CGREF1: variants seen among roughly 807,000 people sequenced by gnomAD.
CGREF1 encodes the protein cell growth regulator with EF hand domain protein 1.
A neutral mutation model predicts 17.4 loss-of-function variants in CGREF1; 16 were observed. That is an observed-to-expected ratio of 0.92 (90% CI 0.62 to 1.40). The LOEUF is 1.40. Among genes scored for constraint, CGREF1 ranks in the 40% most tolerant of loss-of-function variants. The probability of loss-of-function intolerance (pLI) is 0.00; values close to 1 mark genes in which losing one functional copy is unlikely to be tolerated. For synonymous variants in CGREF1, 142 were observed against 154.6 expected (o/e 0.92, Z 0.61); for missense variants, 296 against 376.4 (o/e 0.79, Z 1.77).
intron 1 of CGREF1, among the ~76,000 whole-genome samples, chr2:27,113,250 A>T (rs1325810572): frequency 1.3e-5 from 2 of 152,152 alleles, no homozygotes; most frequent in African/African-American, 4.8e-5. Context: ...TGACCAGGAG[A>T]ATGCCAGAAG....
rs530720672 is a variant in CGREF1, at chr2:27,106,907, T to C, written c.-11-2530A>G. On this transcript the variant is annotated intron_variant, in intron 1 of 5. Coordinates refer to ENST00000402394, the MANE Select transcript of CGREF1 (RefSeq NM_006569.6). Reference sequence around the variant, plus strand: ...TGCTGGGATTACAGGCATGAACCACTGCGCCTGCCCTCTAATGTGGGTTTG... The same window carrying C: ...TGCTGGGATTACAGGCATGAACCACCGCGCCTGCCCTCTAATGTGGGTTTG... Among the ~76,000 whole-genome samples, 11 of 152,098 alleles carry C rather than the reference T, an allele frequency of 7.2e-5. No individual in the cohort carries two copies. In the East Asian group the frequency reaches 2.1e-3, roughly 29 times the overall value.
chr2:27,104,647 C>A, intron 1 of CGREF1: 1 of 1,550,584 alleles, frequency 6.4e-7, no homozygotes, highest in East Asian at 2.4e-5. Context: ...CCCCACCCCA[C>A]GCCCCATTCC....
chr2:27,102,048 A>G (rs545795860), intron 5 of CGREF1, 49 bp downstream of exon 5: 110 of 1,570,912 alleles, frequency 7.0e-5, no homozygotes, highest in South Asian at 4.6e-5. Context: ...CCAAAGCCCC[A>G]AAGTGCTGGG....
Position 27,102,569 on chromosome 2 carries a change from G to A in CGREF1, c.103C>T (p.Gln35Ter), listed in dbSNP as rs542196505. The A allele has an allele frequency of 1.9e-5, 30 of 1,613,192 alleles. No homozygotes were observed. In the South Asian group the frequency reaches 2.7e-4, roughly 15 times the overall value. Residue 35 changes from glutamine (Q) to a stop codon, truncating the protein, a stop_gained, in exon 3 of 6, where the codon CAG becomes TAG. Coordinates refer to ENST00000402394, the MANE Select transcript of CGREF1 (RefSeq NM_006569.6). LOFTEE classifies it high-confidence loss of function. ...VTRPDSEVQH[Q>*]LLPNPFQPGQ... is the part of the protein sequence containing the mutation. ...GGCTGGAAGGGGTTGGGCAGGAGCT[G>A]ATGCTGCACTTCAGAGTCTGGCCTG...
intron 1 of CGREF1, among the ~76,000 whole-genome samples, chr2:27,113,346 C>T (rs1671459732): frequency 6.6e-6 from 1 of 152,044 alleles, no homozygotes; most frequent in South Asian, 2.1e-4. Context: ...GGGCAAGCAT[C>T]CGTAGGGAAG....
chr2:27,105,837 G>A (rs1671100888), intron 1 of CGREF1, among the ~76,000 whole-genome samples: 1 of 152,224 alleles, frequency 6.6e-6, no homozygotes, highest in Non-Finnish European at 1.5e-5. Flanking sequence ...GTGAGGCACT[G>A]CACTTGGCCC....
At chr2:27,099,658 C>T (rs1352970798), downstream of CGREF1, 4 of 1,614,052 alleles carry the variant, frequency 2.5e-6, no homozygotes, top group African/African-American at 5.3e-5. Flanking sequence ...ACTTGCCCCT[C>T]CTCCAGGGAG....
intron 1 of CGREF1, among the ~76,000 whole-genome samples, chr2:27,114,499 A>C (rs969166282): frequency 1.3e-5 from 2 of 152,164 alleles, no homozygotes; most frequent in African/African-American, 4.8e-5. Context: ...CTTGTATATG[A>C]TCTGGACTTA....
chr2:27,102,632 C>T (rs760242726), intron 2 of CGREF1, 41 bp from the exon 3 acceptor site: 2 of 1,575,308 alleles, frequency 1.3e-6, no homozygotes, highest in South Asian at 2.2e-5. Flanking sequence ...AGAGAGCCTC[C>T]CTCAGGGCCC....
In CGREF1 at chr2:27,102,363, G is replaced by A. The variant is rs1260358500; in HGVS notation, c.214C>T (p.Gln72Ter). The part of the protein sequence containing the change: ...EVQLEHLSRE[Q>*]VLLYLFALHD... ...CCCCATCAGCCCAGCCCCTCACCCT[G>A]CTCCCGGCTCAGATGCTCCAGTTGC... The change falls in exon 4 of 6, where the codon CAG becomes TAG. Residue 72 changes from glutamine (Q) to a stop codon, truncating the protein, a stop_gained. Coordinates refer to ENST00000402394, the MANE Select transcript of CGREF1 (RefSeq NM_006569.6). LOFTEE classifies it high-confidence loss of function. The A allele has an allele frequency of 6.2e-7, 1 of 1,614,074 alleles. No individual in the cohort carries two copies. The highest frequency in any genetic ancestry group is 8.5e-7 in the Non-Finnish European group (1 of 1,179,938).
At position 27,102,145 on chromosome 2, in the gene CGREF1, C is replaced by T. The variant is rs897355564; in HGVS notation, c.294G>A (p.Leu98=). ...CAGCTCCAGGGGCCAGAGCAGCTGTCAACATGGACAGCAGCTCCAGGCCAT... is the reference window on the plus strand; with the variant it reads ...CAGCTCCAGGGGCCAGAGCAGCTGTTAACATGGACAGCAGCTCCAGGCCAT... ...QLDGLELLSM[L]TAALAPGAAN... Residue 98 remains leucine, a synonymous_variant, in exon 5 of 6, where the codon TTG becomes TTA. Coordinates refer to ENST00000402394, the MANE Select transcript of CGREF1 (RefSeq NM_006569.6). 2 of 1,612,116 alleles carry T rather than the reference C, an allele frequency of 1.2e-6. No individual in the cohort carries two copies. Among genetic ancestry groups the T allele is most frequent in the Non-Finnish European group, 1.7e-6 (2 of 1,178,498 alleles).
In CGREF1 at chr2:27,100,946, T is replaced by G. The variant is rs995206140; in HGVS notation, c.*328A>C. The G allele has an allele frequency of 8.8e-7, 1 of 1,134,564 alleles. No individual in the cohort carries two copies. Among genetic ancestry groups the G allele is most frequent in the African/African-American group, 1.6e-5 (1 of 61,730 alleles). The allele number at this position is 1,134,564 out of a possible 1,614,324, so 70.3% of individuals were successfully genotyped here. ...CTGCAGCCGGCCATGGCTAGCACCA[T>G]GCGCTCTGCTGCCGGAGCACCGTGA... is the stretch of plus-strand genomic sequence containing the variant. On this transcript the variant is annotated 3_prime_UTR_variant, in exon 6 of 6. Coordinates refer to ENST00000402394, the MANE Select transcript of CGREF1 (RefSeq NM_006569.6).
At chr2:27,116,871 T>TTCCCTCTCTCTCTC (rs1416671829) in intron 1 of CGREF1, among the ~76,000 whole-genome samples, 1 of 33,680 alleles carries the variant, frequency 3.0e-5, no homozygotes, top group Non-Finnish European at 5.9e-5. Flanking sequence ...GCCAGGCCTA[T>TTCCCTCTCTCTCTC]TCTCTCTCTC....
Position 27,118,986 on chromosome 2 carries a change from C to T in CGREF1, c.-152G>A, listed in dbSNP as rs1572909060. 3 of 151,912 alleles carry T rather than the reference C, an allele frequency of 2.0e-5. No individual in the cohort carries two copies. The South Asian group carries it at 5.4e-4, about 28-fold the overall frequency. The allele number at this position is 151,912 out of a possible 1,614,324, so 9.4% of individuals were successfully genotyped here. ...TCCACGTCGCCCTCCCGGCTGGAGC[C>T]GCCGCCCTGGCCGGGCAGAGTCCGG... On this transcript the variant is annotated 5_prime_UTR_variant, in exon 1 of 6. Transcript: ENST00000402394.
In CGREF1 at chr2:27,102,157, C is replaced by T; in HGVS notation, c.282G>A (p.Leu94=). The change falls in exon 5 of 6, where the codon CTG becomes CTA. Residue 94 remains leucine, a synonymous_variant. Coordinates refer to ENST00000402394, the MANE Select transcript of CGREF1 (RefSeq NM_006569.6). ...DQSGQLDGLE[L]LSMLTAALAP... ...CCAGAGCAGCTGTCAACATGGACAGCAGCTCCAGGCCATCCAGCTGTCCAC... is the reference window on the plus strand; with the variant it reads ...CCAGAGCAGCTGTCAACATGGACAGTAGCTCCAGGCCATCCAGCTGTCCAC... 1 of 1,612,396 alleles carries T rather than the reference C, an allele frequency of 6.2e-7. No homozygotes were observed. The highest frequency in any genetic ancestry group is 8.5e-7 in the Non-Finnish European group (1 of 1,178,594).
intron 1 of CGREF1, among the ~76,000 whole-genome samples, chr2:27,113,965 C>G (rs545981045): frequency 7.0e-6 from 1 of 142,230 alleles, no homozygotes; most frequent in Admixed American, 7.2e-5. Context: ...CCAGCCTTCA[C>G]GTGTTCTTAC....
At chr2:27,104,466 C>T in intron 1 of CGREF1, 89 bp from the exon 2 acceptor site, 1 of 1,558,674 alleles carries the variant, frequency 6.4e-7, no homozygotes, top group Non-Finnish European at 8.7e-7. Flanking sequence ...AGCGCATTTT[C>T]TGCCTGCTTC....
downstream of CGREF1, chr2:27,099,869 G>T (rs1306830937): frequency 1.0e-5 from 16 of 1,550,330 alleles, no homozygotes; most frequent in Non-Finnish European, 1.4e-5. Context: ...CAAGCTGTGG[G>T]GAGGACTCTG....
Position 27,100,921 on chromosome 2 carries a change from C to G in CGREF1, c.*353G>C. 2.7e-6 allele frequency: 3 copies of G among 1,100,242 alleles called. No individual in the cohort carries two copies. Among genetic ancestry groups the G allele is most frequent in the Non-Finnish European group, 2.2e-6 (2 of 902,474 alleles). 68.2% of individuals were successfully genotyped at this position (1,100,242 alleles called of 1,614,324 possible). A position where few individuals can be genotyped will look rare whatever the true frequency, so the allele number is the denominator to read the frequency against. Reference sequence around the variant, plus strand: ...GACTGAGCTTTCCTCACTGGGTCCTCTGCAGCCGGCCATGGCTAGCACCAT... The same window carrying G: ...GACTGAGCTTTCCTCACTGGGTCCTGTGCAGCCGGCCATGGCTAGCACCAT... On this transcript the variant is annotated 3_prime_UTR_variant, in exon 6 of 6. Transcript: ENST00000402394.
Sources: gnomAD v4.1 joint callset for allele counts (sites outside exome capture counted in the v4.1 genomes callset) on GRCh38, gnomAD v4.1.1 for gene constraint, MANE v1.5 for transcripts, NCBI Gene and HGNC (gene_info 2026-07-23, HGNC 2026-07-21) for gene names.